The following STAT5B variants were observed in gnomAD, a reference collection of about 807,000 sequenced individuals.
STAT5B encodes transcription factor STAT5B.
In STAT5B, 21 loss-of-function variants were observed where a neutral mutation model predicts 107.8. The ratio of observed to expected loss-of-function variants is 0.19; its 90% confidence interval spans 0.14 to 0.28. STAT5B has a LOEUF of 0.28. Among genes scored for constraint, STAT5B ranks in the 10% least tolerant of loss-of-function variants. STAT5B has a pLI of 1.00. For synonymous variants in STAT5B, 325 were observed against 401.7 expected, an observed-to-expected ratio of 0.81 and a Z score of 2.28; for missense variants, 565 against 1,008.2, an observed-to-expected ratio of 0.56 and a Z score of 5.95.
intron 12 of STAT5B, 101 bp from the exon 13 acceptor site, chr17:42,212,291 C>G: frequency 6.3e-7 from 1 of 1,577,692 alleles, no homozygotes; most frequent in Non-Finnish European, 8.6e-7. Context: ...TGGTTACACA[C>G]ATTTGTCTTG....
rs1018741865 is a variant in STAT5B at position 42,217,967 on chromosome 17, A to T, written c.1169+184T>A. 6 of 1,039,962 alleles carry T rather than the reference A, an allele frequency of 5.8e-6. No homozygotes were observed. In the Admixed American group the frequency reaches 9.0e-5, roughly 16 times the overall value. 64.4% of individuals were successfully genotyped at this position (1,039,962 alleles called of 1,614,324 possible). On this transcript the variant is annotated intron_variant, in intron 9 of 18. Transcript: ENST00000293328. ...GTGATCTGCCCACCTCGGCCTCTTA[A>T]AGTGCTTGGATTACAGGTGTGAGCC... is the stretch of plus-strand genomic sequence containing the variant.
chr17:42,218,631 T>G (rs1049683046), intron 8 of STAT5B, 92 bp downstream of exon 8: 5 of 1,602,698 alleles, frequency 3.1e-6, no homozygotes, highest in Non-Finnish European at 4.3e-6. Flanking sequence ...AGGCAGGAAG[T>G]GGATCTGCTG....
chr17:42,238,302 TAAAGA>T (rs1176804828), intron 1 of STAT5B, among the ~76,000 whole-genome samples: 1 of 149,370 alleles, frequency 6.7e-6, no homozygotes, highest in Non-Finnish European at 1.5e-5. Flanking sequence ...CCTGGCTAAT[TAAAGA>T]AAAAAACTTT....
intron 1 of STAT5B, among the ~76,000 whole-genome samples, chr17:42,258,346 T>C (rs529220733): frequency 7.9e-5 from 12 of 152,322 alleles, no homozygotes; most frequent in African/African-American, 2.9e-4. Flanking sequence ...GTTCTAGCCA[T>C]TTCTTCAAAG....
At chr17:42,222,629 G>A (rs1474367022) in intron 5 of STAT5B, among the ~76,000 whole-genome samples, 6 of 151,976 alleles carry the variant, frequency 3.9e-5, no homozygotes, top group Non-Finnish European at 7.4e-5. Context: ...TCCTGCCCTG[G>A]CCTCCCAAAG....
At chr17:42,254,565 TCTTA>T (rs1378141529) in intron 1 of STAT5B, among the ~76,000 whole-genome samples, 2 of 152,154 alleles carry the variant, frequency 1.3e-5, no homozygotes, top group Non-Finnish European at 2.9e-5. Flanking sequence ...ATTTTGGTTC[TCTTA>T]CTCTCTTTTT....
At chr17:42,207,795 A>G in intron 15 of STAT5B, 67 bp from the exon 16 acceptor site, 1 of 1,537,418 alleles carries the variant, frequency 6.5e-7, no homozygotes. Flanking sequence ...TTAAAACCCC[A>G]ACATACTATA....
chr17:42,255,905 T>C (rs2080539968), intron 1 of STAT5B, among the ~76,000 whole-genome samples: 1 of 152,098 alleles, frequency 6.6e-6, no homozygotes, highest in South Asian at 2.1e-4. Context: ...CTGGTTAACA[T>C]GGTGAAACCC....
At chr17:42,277,403 A>C (rs1033043783), upstream of STAT5B, among the ~76,000 whole-genome samples, 27 of 152,146 alleles carry the variant, frequency 1.8e-4, no homozygotes. Flanking sequence ...ATGTCCAGAG[A>C]TGGCCCAGAG....
At chr17:42,247,011 T>C (rs1567671253) in intron 1 of STAT5B, among the ~76,000 whole-genome samples, 1 of 152,210 alleles carries the variant, frequency 6.6e-6, no homozygotes, top group African/African-American at 2.4e-5. Context: ...ATCAATTTAT[T>C]TTGTGCCAAG....
At chr17:42,279,190 G>GAA (rs59058357), upstream of STAT5B, among the ~76,000 whole-genome samples, 777 of 121,354 alleles carry the variant, frequency 6.4e-3, 6 homozygotes, top group South Asian at 0.017. Context: ...CTCAAAAAAA[G>GAA]AAAAAAAAAA....
At position 42,230,913 on chromosome 17, in the gene STAT5B, T is replaced by C. The variant is rs1050311217; in HGVS notation, c.128+1087A>G. The stretch of plus-strand genomic sequence containing the variant: ...CCTGGCCTCCAGTGATCTGCCTGCC[T>C]TGGCCTCCCAAAGTGCTGGGATTAC... On this transcript the variant is annotated intron_variant, in intron 2 of 18. Transcript: ENST00000293328. Among the ~76,000 whole-genome samples the C allele has an allele frequency of 2.6e-5, 4 of 152,156 alleles. 1 individual carries two copies. The highest frequency in any genetic ancestry group is 9.6e-5 in the African/African-American group (4 of 41,454).
chr17:42,253,167 C>T (rs534904301), intron 1 of STAT5B, among the ~76,000 whole-genome samples: 36 of 152,054 alleles, frequency 2.4e-4, no homozygotes, highest in Non-Finnish European at 4.4e-4. Context: ...TCTTCAACTA[C>T]AGGACAGAAT....
At chr17:42,230,076 G>C (rs1193631162) in intron 2 of STAT5B, among the ~76,000 whole-genome samples, 1 of 152,060 alleles carries the variant, frequency 6.6e-6, no homozygotes, top group Non-Finnish European at 1.5e-5. Context: ...GAAAACAGGA[G>C]AGAAAATGAA....
At chr17:42,222,037 T>G (rs1323508728) in intron 5 of STAT5B, among the ~76,000 whole-genome samples, 2 of 139,272 alleles carry the variant, frequency 1.4e-5, no homozygotes, top group Non-Finnish European at 3.1e-5. Flanking sequence ...TGTGGTGTGG[T>G]GTGTGTGTGC....
chr17:42,206,581 C>G (rs114285707), intron 16 of STAT5B, among the ~76,000 whole-genome samples: 1,805 of 152,166 alleles, frequency 0.012, 27 homozygotes, highest in African/African-American at 0.042. Flanking sequence ...GTTTTCTTTT[C>G]TTTTGTTTTT....
upstream of STAT5B, among the ~76,000 whole-genome samples, chr17:42,280,157 CA>C (rs2080789733): frequency 6.6e-6 from 1 of 152,046 alleles, no homozygotes; most frequent in African/African-American, 2.4e-5. Flanking sequence ...CCCCACAGTC[CA>C]ACCCATCAGG....
chr17:42,250,832 G>A (rs1468634695), intron 1 of STAT5B, among the ~76,000 whole-genome samples: 6 of 151,518 alleles, frequency 4.0e-5, no homozygotes, highest in African/African-American at 1.5e-4. Context: ...GCTGAGGCAG[G>A]AGAATCACTT....
rs759562375 is a variant in STAT5B at position 42,218,323 on chromosome 17, T to C, written c.997A>G (p.Ile333Val). ...IISALVTSTF[I>V]IEKQPPQVLK... ...ACCTGAGGAGGCTGCTTCTCAATGA[T>C]GAACGTGCTGCAGGGGACACAGGGA... is the stretch of plus-strand genomic sequence containing the variant. Residue 333 changes from isoleucine to valine, a missense_variant, in exon 9 of 19, where the codon ATC becomes GTC. Around this residue, in one of 11 missense-constraint regions of STAT5B, gnomAD observed 48 missense variants for 106.5 expected, o/e 0.45. Transcript: ENST00000293328. 18 of 1,612,428 alleles carry C rather than the reference T, an allele frequency of 1.1e-5. No homozygotes were observed. Among genetic ancestry groups the C allele is most frequent in the Non-Finnish European group, 1.4e-5 (17 of 1,179,542 alleles).
Sources: allele counts gnomAD v4.1 joint callset (sites outside exome capture counted in the v4.1 genomes callset), GRCh38; gene constraint gnomAD v4.1.1; regional missense constraint gnomAD v4.1.1; transcripts MANE v1.5; gene names NCBI Gene and HGNC (gene_info 2026-07-23, HGNC 2026-07-21).